The following CCAR1 variants were observed in gnomAD, a reference collection of about 807,000 sequenced individuals.
The protein encoded by CCAR1 is cell division cycle and apoptosis regulator 1.
CCAR1 carries 78 observed loss-of-function variants against 163.8 expected under a neutral mutation model. The observed-to-expected ratio is 0.48, with a 90% CI of 0.40 to 0.57. The LOEUF is 0.57. Among genes scored for constraint, CCAR1 ranks in the 20% least tolerant of loss-of-function variants. The pLI is 0.00. For synonymous variants in CCAR1, 443 were observed against 460.7 expected, an observed-to-expected ratio of 0.96 and a Z score of 0.49; for missense variants, 1,019 against 1,365.2, an observed-to-expected ratio of 0.75 and a Z score of 4.00.
chr10:68,765,952 C>G lies in CCAR1; in HGVS notation c.2171C>G (p.Pro724Arg). 1 of 1,613,978 alleles carries G rather than the reference C, an allele frequency of 6.2e-7. No individual in the cohort carries two copies. The highest frequency in any genetic ancestry group is 8.5e-7 in the Non-Finnish European group (1 of 1,179,936). The change falls in exon 17 of 25, where the codon CCT becomes CGT. Residue 724 changes from proline (P) to arginine (R), a missense_variant. Coordinates refer to ENST00000265872, the MANE Select transcript of CCAR1 (RefSeq NM_018237.4). ...RQRRERRYIL[P>R]DEPAIIVHPN... ...CGTCGAGAAAGAAGATATATTTTGC[C>G]TGATGAACCGGCCATCATTGTACAT... is the stretch of plus-strand genomic sequence containing the variant.
chr10:68,751,600 C>T (rs906732972), intron 10 of CCAR1, among the ~76,000 whole-genome samples: 4 of 151,916 alleles, frequency 2.6e-5, no homozygotes, highest in Non-Finnish European at 5.9e-5. Context: ...CAGTGGCTGA[C>T]GCCTGTAATC....
At chr10:68,728,247 G>A (rs1319414291) in intron 2 of CCAR1, among the ~76,000 whole-genome samples, 1 of 151,728 alleles carries the variant, frequency 6.6e-6, no homozygotes, top group East Asian at 1.9e-4. Flanking sequence ...ACCAGATTCA[G>A]ACCTATTGTC....
At chr10:68,769,757 C>A (rs552491855) in intron 17 of CCAR1, among the ~76,000 whole-genome samples, 1 of 150,540 alleles carries the variant, frequency 6.6e-6, no homozygotes, top group African/African-American at 2.4e-5. Flanking sequence ...CTGGCTAACA[C>A]GGTGAAACCT....
chr10:68,758,464 C>T (rs2056422475), intron 15 of CCAR1, among the ~76,000 whole-genome samples: 1 of 149,950 alleles, frequency 6.7e-6, no homozygotes. Context: ...CATAGATGGG[C>T]AGATCGCTTG....
In CCAR1 at chr10:68,760,969, C is replaced by CT. The variant is rs78712089; in HGVS notation, c.1921-28dup. On this transcript the variant is annotated intron_variant, in intron 15 of 24. Transcript: ENST00000265872. ...TCCGCTGCCCCCCGCCCCCCGCCAC[C>CT]TTTTTTTTTTCCGTGTTTTTCTGCT... is the stretch of plus-strand genomic sequence containing the variant. 4.2e-3 allele frequency: 4,498 copies of CT among 1,063,156 alleles called. 1 individual carries two copies. Among genetic ancestry groups the CT allele is most frequent in the Non-Finnish European group, 4.8e-3 (3,726 of 781,788 alleles). The allele number at this position is 1,063,156 out of a possible 1,614,324, so 65.9% of individuals were successfully genotyped here.
intron 12 of CCAR1, 92 bp downstream of exon 12, chr10:68,754,919 A>G (rs2056380158): frequency 1.4e-6 from 1 of 700,060 alleles, no homozygotes; most frequent in Non-Finnish European, 2.5e-6. Context: ...ACATTTTAAT[A>G]TTTGTTGATT....
At chr10:68,738,475 C>G (rs2133326348) in intron 4 of CCAR1, among the ~76,000 whole-genome samples, 1 of 152,242 alleles carries the variant, frequency 6.6e-6, no homozygotes, top group South Asian at 2.1e-4. Context: ...AAAGAACCAC[C>G]CTTTGGACTG....
In CCAR1 at chr10:68,753,974, G is replaced by T; in HGVS notation, c.1241G>T (p.Gly414Val). The T allele has an allele frequency of 6.2e-7, 1 of 1,613,904 alleles. No homozygotes were observed. The highest frequency in any genetic ancestry group is 1.1e-5 in the South Asian group (1 of 91,078). The part of the protein sequence containing the change: ...AFPLSRPFQL[G>V]NYCNFYVMHR... ...CCTTTGTCAAGACCATTTCAGCTGG[G>T]AAATTACTGCAATTTTTATGTAATG... Residue 414 changes from glycine (G) to valine (V), a missense_variant, in exon 11 of 25, where the codon GGA becomes GTA. Transcript: ENST00000265872.
Position 68,756,278 on chromosome 10 carries a change from G to A in CCAR1, c.1631G>A (p.Arg544His), listed in dbSNP as rs750774677. 12 of 1,613,310 alleles carry A rather than the reference G, an allele frequency of 7.4e-6. No homozygotes were observed. The highest frequency in any genetic ancestry group is 4.5e-5 in the East Asian group (2 of 44,876). Residue 544 changes from arginine to histidine, a missense_variant, in exon 14 of 25, where the codon CGT becomes CAT. Physicochemically the swap from Arg to His is conservative, Grantham distance 29. Transcript: ENST00000265872. This position sits in a 1 kb window ranked among gnomAD's most constrained non-coding sequence, Gnocchi z 5.1. ...TGCTTCTTCCCTTGCAACAGGTACC[G>A]TTTTGCAGAGATTCGCTACCATCGC... ...IDLSVCTQWYRFAEIRYHRPE... is the reference protein window; with the variant it reads ...IDLSVCTQWYHFAEIRYHRPE...
rs770498916 is a variant in CCAR1 at position 68,773,026 on chromosome 10, T to C, written c.2577T>C (p.Asp859=). The change falls in exon 19 of 25, where the codon GAT becomes GAC. Residue 859 remains aspartate (D), a synonymous_variant. Coordinates refer to ENST00000265872, the MANE Select transcript of CCAR1 (RefSeq NM_018237.4). ...GAAAAGATGATTCTAAAGATGATGA[T>C]GAAACTGAAGAAGATAACAATCAAG... ...DKRKDDSKDD[D]ETEEDNNQDE... The C allele has an allele frequency of 6.5e-7, 1 of 1,543,892 alleles. No individual in the cohort carries two copies.
chr10:68,748,939 A>T (rs974370726), intron 8 of CCAR1, among the ~76,000 whole-genome samples, 197 bp from the exon 9 acceptor site: 1 of 151,986 alleles, frequency 6.6e-6, no homozygotes, highest in Non-Finnish European at 1.5e-5. Flanking sequence ...CGGCCTCCCA[A>T]AGTGCCGAGA....
At chr10:68,741,074 T>A (rs1263096305) in intron 5 of CCAR1, among the ~76,000 whole-genome samples, 1 of 151,624 alleles carries the variant, frequency 6.6e-6, no homozygotes, top group East Asian at 1.9e-4. Context: ...CCACCACGCC[T>A]GGCTGATTTT....
At chr10:68,747,339 A>T in intron 7 of CCAR1, 35 bp from the exon 8 acceptor site, 1 of 1,599,188 alleles carries the variant, frequency 6.3e-7, no homozygotes, top group Non-Finnish European at 8.5e-7. Context: ...ATTCACAAAG[A>T]TTTTTTTTCT....
intron 16 of CCAR1, among the ~76,000 whole-genome samples, 171 bp downstream of exon 16, chr10:68,761,363 G>A (rs749224447): frequency 2.6e-5 from 4 of 152,102 alleles, no homozygotes; most frequent in Non-Finnish European, 4.4e-5. Context: ...CTGGAGTGCA[G>A]TGGAGTGATC....
chr10:68,774,422 G>A (rs937413668), intron 19 of CCAR1, among the ~76,000 whole-genome samples: 1 of 152,046 alleles, frequency 6.6e-6, no homozygotes, highest in Non-Finnish European at 1.5e-5. Flanking sequence ...TGGATCACCT[G>A]AGGTCAGGGG....
intron 23 of CCAR1, among the ~76,000 whole-genome samples, chr10:68,789,506 G>A (rs777000845): frequency 2.0e-5 from 3 of 151,952 alleles, no homozygotes; most frequent in Non-Finnish European, 2.9e-5. Context: ...TCAAGCTGGC[G>A]CAACAGAGTG....
chr10:68,755,539 A>G lies in CCAR1; in HGVS notation c.1625+3A>G. 1 of 1,609,308 alleles carries G rather than the reference A, an allele frequency of 6.2e-7. No homozygotes were observed. Among genetic ancestry groups the G allele is most frequent in the Non-Finnish European group, 8.5e-7 (1 of 1,176,784 alleles). The stretch of plus-strand genomic sequence containing the variant: ...GATCTAAGTGTGTGCACACAATGGT[A>G]AGTACTAATTCATTTCTTGATTAGA... On this transcript the variant is annotated splice_donor_region_variant and intron_variant, in intron 13 of 24. Coordinates refer to ENST00000265872, the MANE Select transcript of CCAR1 (RefSeq NM_018237.4).
chr10:68,727,098 T>C (rs1217652893), intron 2 of CCAR1, among the ~76,000 whole-genome samples: 15 of 145,804 alleles, frequency 1.0e-4, no homozygotes, highest in African/African-American at 3.8e-4. Flanking sequence ...GACAGAGTCT[T>C]GCTCTGTCAC....
At chr10:68,763,880 C>A (rs1327764202) in intron 16 of CCAR1, among the ~76,000 whole-genome samples, 1 of 152,162 alleles carries the variant, frequency 6.6e-6, no homozygotes, top group East Asian at 1.9e-4. Context: ...TAAAGCATTT[C>A]AGTTTTATTT....
Sources: allele counts gnomAD v4.1 joint callset (sites outside exome capture counted in the v4.1 genomes callset), GRCh38; gene constraint gnomAD v4.1.1; non-coding constraint Gnocchi (gnomAD v3.1); transcripts MANE v1.5; gene names NCBI Gene and HGNC (gene_info 2026-07-23, HGNC 2026-07-21).